Variants in SNRPN observed in about 807,000 individuals in gnomAD.
SNRPN encodes small nuclear ribonucleoprotein-associated protein N.
A neutral mutation model predicts 25.2 loss-of-function variants in SNRPN; 7 were observed. The observed-to-expected ratio is 0.28, with a 90% CI of 0.16 to 0.52. SNRPN has a LOEUF of 0.52. Ranked by LOEUF, SNRPN falls within the 20% of genes least tolerant of loss-of-function variation. SNRPN has a pLI of 0.96. For synonymous variants in SNRPN, 124 were observed against 110.6 expected, an observed-to-expected ratio of 1.12 and a Z score of -0.76; for missense variants, 196 against 322.5, an observed-to-expected ratio of 0.61 and a Z score of 3.00.
chr15:24,924,928 A>G (rs1229459460), intron 3 of SNRPN, among the ~76,000 whole-genome samples: 1 of 152,158 alleles, frequency 6.6e-6, no homozygotes, highest in East Asian at 1.9e-4. Context: ...AGCCACGTGA[A>G]AACTGGGATG....
intron 1 of SNRPN, among the ~76,000 whole-genome samples, chr15:24,858,044 G>C (rs2053587362): frequency 6.6e-6 from 1 of 152,120 alleles, no homozygotes. Context: ...TCCATCGGGA[G>C]CAGGGCCTGC....
chr15:24,953,784 A>G (rs565986427), upstream of SNRPN, among the ~76,000 whole-genome samples: 1 of 152,292 alleles, frequency 6.6e-6, no homozygotes, highest in East Asian at 1.9e-4. Context: ...CATTTTTTCC[A>G]TCAGCCATAT....
intron 3 of SNRPN, among the ~76,000 whole-genome samples, chr15:24,931,999 G>A (rs188678915): frequency 1.5e-4 from 23 of 152,134 alleles, no homozygotes; most frequent in African/African-American, 5.1e-4. Context: ...ACCTACCTGG[G>A]ATTGCTAACT....
intron 3 of SNRPN, among the ~76,000 whole-genome samples, chr15:24,970,435 C>G (rs557438119): frequency 1.3e-5 from 2 of 151,928 alleles, no homozygotes; most frequent in African/African-American, 4.8e-5. Flanking sequence ...AAATATTAGC[C>G]GGGTGTAGTG....
At chr15:24,936,527 C>T (rs960961980) in intron 3 of SNRPN, among the ~76,000 whole-genome samples, 2 of 152,022 alleles carry the variant, frequency 1.3e-5, no homozygotes, top group Non-Finnish European at 2.9e-5. Flanking sequence ...ACTACCCGAG[C>T]CTGGGTAATT....
intron 2 of SNRPN, among the ~76,000 whole-genome samples, chr15:24,836,922 T>A (rs2051249227): frequency 6.6e-6 from 1 of 152,118 alleles, no homozygotes; most frequent in Admixed American, 6.5e-5. Flanking sequence ...TGATATTCCT[T>A]CCCTTCGGGC....
At chr15:24,830,879 G>C (rs892234483) in intron 2 of SNRPN, among the ~76,000 whole-genome samples, 1 of 152,010 alleles carries the variant, frequency 6.6e-6, no homozygotes, top group African/African-American at 2.4e-5. Flanking sequence ...CTGTGGGCTT[G>C]AGTTCAATGT....
intron 3 of SNRPN, among the ~76,000 whole-genome samples, chr15:24,924,271 G>T (rs551802102): frequency 6.6e-6 from 1 of 151,950 alleles, no homozygotes; most frequent in South Asian, 2.1e-4. Context: ...AGGACAGAGG[G>T]TATAGGTGAT....
chr15:24,917,059 T>C (rs2059574017), intron 2 of SNRPN, among the ~76,000 whole-genome samples: 1 of 152,166 alleles, frequency 6.6e-6, no homozygotes, highest in African/African-American at 2.4e-5. Flanking sequence ...AGGGTGCTGA[T>C]TGGTCCATTT....
upstream of SNRPN, among the ~76,000 whole-genome samples, chr15:24,953,277 A>G (rs2062422006): frequency 1.3e-5 from 2 of 151,928 alleles, no homozygotes; most frequent in Non-Finnish European, 1.5e-5. Context: ...AATGGTGTGT[A>G]TTCTTTCATA....
intron 1 of SNRPN, among the ~76,000 whole-genome samples, chr15:24,827,724 G>A (rs980005670): frequency 1.3e-5 from 2 of 151,236 alleles, no homozygotes; most frequent in South Asian, 2.1e-4. Flanking sequence ...AAAATTAGCC[G>A]GGCATTGTGG....
chr15:24,833,309 A>T (rs564292636), intron 2 of SNRPN, among the ~76,000 whole-genome samples: 6 of 152,028 alleles, frequency 3.9e-5, no homozygotes, highest in South Asian at 2.1e-4. Flanking sequence ...ATTTTTACTT[A>T]TAGCACCTGG....
At chr15:24,904,942 CAAAA>C (rs33929037) in intron 2 of SNRPN, among the ~76,000 whole-genome samples, 2 of 88,238 alleles carry the variant, frequency 2.3e-5, no homozygotes, top group African/African-American at 4.5e-5. Context: ...GACTCCGTCT[CAAAA>C]AAAAAAAAAA....
At chr15:24,931,709 A>G (rs1487952674) in intron 3 of SNRPN, among the ~76,000 whole-genome samples, 1 of 151,776 alleles carries the variant, frequency 6.6e-6, no homozygotes, top group East Asian at 1.9e-4. Context: ...ATGGTGGCAC[A>G]TGGCTGTAGT....
intron 1 of SNRPN, chr15:24,958,722 AT>A (rs942086319): frequency 1.3e-5 from 2 of 152,430 alleles, no homozygotes; most frequent in Middle Eastern, 8.6e-4. Flanking sequence ...CATTAACCTT[AT>A]TTTTTTGTTT....
intron 3 of SNRPN, 115 bp from the exon 4 acceptor site, chr15:24,974,196 A>G: frequency 2.0e-6 from 1 of 509,092 alleles, no homozygotes; most frequent in Non-Finnish European, 3.5e-6. Context: ...GGAAGCTAGT[A>G]TGAGAGGAAG....
At chr15:24,916,211 C>T (rs530667250) in intron 2 of SNRPN, among the ~76,000 whole-genome samples, 12 of 152,240 alleles carry the variant, frequency 7.9e-5, no homozygotes, top group South Asian at 4.1e-4. Context: ...CCACCCACCT[C>T]GGCCTCCCAA....
intron 1 of SNRPN, among the ~76,000 whole-genome samples, chr15:24,827,554 G>A (rs996216305): frequency 2.1e-5 from 3 of 144,290 alleles, no homozygotes; most frequent in African/African-American, 5.2e-5. Context: ...GTATGCTTAC[G>A]CTATACTAAA....
intron 3 of SNRPN, among the ~76,000 whole-genome samples, chr15:24,943,981 T>G (rs2061727630): frequency 6.6e-6 from 1 of 151,870 alleles, no homozygotes; most frequent in Non-Finnish European, 1.5e-5. Flanking sequence ...ACTACCATAC[T>G]CAGCTAATTT....
Sources: gnomAD v4.1 joint callset for allele counts (sites outside exome capture counted in the v4.1 genomes callset) on GRCh38, gnomAD v4.1.1 for gene constraint, MANE v1.5 for transcripts, NCBI Gene and HGNC (gene_info 2026-07-23, HGNC 2026-07-21) for gene names.